The following RPGRIP1L variants were observed in gnomAD, a reference collection of about 807,000 sequenced individuals.
RPGRIP1L encodes the protein protein fantom.
A neutral mutation model predicts 160.4 loss-of-function variants in RPGRIP1L; 131 were observed. The observed-to-expected ratio is 0.82, with a 90% CI of 0.71 to 0.94. The LOEUF (loss-of-function observed/expected upper bound fraction) is 0.94. RPGRIP1L is among the 40% of genes least tolerant of loss of function. The pLI, the probability that RPGRIP1L is intolerant of heterozygous loss-of-function variation, is 0.00. For synonymous variants in RPGRIP1L, 510 were observed against 515.8 expected, an observed-to-expected ratio of 0.99 and a Z score of 0.15; for missense variants, 1,522 against 1,535.8, an observed-to-expected ratio of 0.99 and a Z score of 0.15.
chr16:53,621,041 T>C (rs1964676580), intron 23 of RPGRIP1L, among the ~76,000 whole-genome samples: 1 of 152,308 alleles, frequency 6.6e-6, no homozygotes, highest in East Asian at 1.9e-4. Context: ...AAAAGTGCTA[T>C]ACATACTTAT....
chr16:53,648,616 G>A (rs1049284678), intron 16 of RPGRIP1L, among the ~76,000 whole-genome samples: 10 of 84,402 alleles, frequency 1.2e-4, no homozygotes, highest in Admixed American at 4.9e-4. Flanking sequence ...ACGCGCGTGC[G>A]CGCGCGCGCG....
At chr16:53,693,750 C>G (rs968285092) in intron 3 of RPGRIP1L, 1 of 152,190 alleles carries the variant, frequency 6.6e-6, no homozygotes, top group African/African-American at 2.4e-5. Context: ...GGGCCACACA[C>G]TCTACCTGGC....
intron 26 of RPGRIP1L, among the ~76,000 whole-genome samples, chr16:53,604,838 C>T (rs1040475689): frequency 6.6e-6 from 1 of 152,124 alleles, no homozygotes; most frequent in African/African-American, 2.4e-5. Flanking sequence ...GAATAACATC[C>T]TGAAGGTTAA....
chr16:53,651,231 C>T (rs1168182565), intron 15 of RPGRIP1L, among the ~76,000 whole-genome samples: 1 of 152,208 alleles, frequency 6.6e-6, no homozygotes, highest in Non-Finnish European at 1.5e-5. Context: ...CCCTCATTAT[C>T]ACACATTCAA....
In RPGRIP1L at chr16:53,645,705, T is replaced by C. The variant is rs1966497416; in HGVS notation, c.2603A>G (p.Asp868Gly). 3 of 1,614,076 alleles carry C rather than the reference T, an allele frequency of 1.9e-6. No individual in the cohort carries two copies. Among genetic ancestry groups the C allele is most frequent in the Non-Finnish European group, 2.5e-6 (3 of 1,179,978 alleles). The change falls in exon 17 of 27, where the codon GAT becomes GGT. Residue 868 changes from aspartate (D) to glycine (G), a missense_variant. Physicochemically the swap from Asp to Gly is moderately conservative, Grantham distance 94. Transcript: ENST00000647211. ...GTAAATATTCTCCTGGGTATCACTA[T>C]CATCAAAAACATAAAAACTCAGAGA... ...SESLSFYVFD[D>G]SDTQENIYIG...
At chr16:53,639,112 A>G (rs992559571) in intron 19 of RPGRIP1L, among the ~76,000 whole-genome samples, 1 of 152,026 alleles carries the variant, frequency 6.6e-6, no homozygotes, top group Non-Finnish European at 1.5e-5. Flanking sequence ...TTCATCAAAT[A>G]TGAATTTATA....
chr16:53,651,048 C>T (rs996427116), intron 15 of RPGRIP1L, among the ~76,000 whole-genome samples: 23 of 152,306 alleles, frequency 1.5e-4, no homozygotes, highest in African/African-American at 5.1e-4. Context: ...TGTCCAGCCA[C>T]CAGCCTGACA....
chr16:53,653,322 C>T, intron 14 of RPGRIP1L: 1 of 1,135,340 alleles, frequency 8.8e-7, no homozygotes, highest in African/African-American at 1.7e-5. Context: ...CTCTGCTCCA[C>T]CCATTGTCTT....
rs1966492539 is a variant in RPGRIP1L, at chr16:53,645,661, G to A, written c.2647C>T (p.Pro883Ser). ...CTGTCATGTGCCAACGAAATCAGAG[G>A]CACATTGACTTTTCCTATGTAAATA... ...ENIYIGKVNV[P>S]LISLAHDRCI... Residue 883 changes from proline (P) to serine (S), a missense_variant, in exon 17 of 27, where the codon CCT becomes TCT. Pro to Ser is a moderately conservative substitution (Grantham distance 74). Transcript: ENST00000647211. 2 of 1,613,836 alleles carry A rather than the reference G, an allele frequency of 1.2e-6. No individual in the cohort carries two copies. The highest frequency in any genetic ancestry group is 1.7e-5 in the Admixed American group (1 of 60,008).
At chr16:53,662,605 A>G (rs1410303372) in intron 10 of RPGRIP1L, among the ~76,000 whole-genome samples, 2 of 152,096 alleles carry the variant, frequency 1.3e-5, no homozygotes, top group African/African-American at 2.4e-5. Flanking sequence ...CTAAATATTA[A>G]AAGATTTTCT....
chr16:53,668,572 G>A (rs1968469513), intron 9 of RPGRIP1L, among the ~76,000 whole-genome samples: 1 of 151,948 alleles, frequency 6.6e-6, no homozygotes, highest in African/African-American at 2.4e-5. Flanking sequence ...CTGAAGAGGT[G>A]GTGAAATCTA....
chr16:53,656,136 C>T (rs942412719), intron 14 of RPGRIP1L, among the ~76,000 whole-genome samples: 2 of 152,082 alleles, frequency 1.3e-5, no homozygotes, highest in Admixed American at 1.3e-4. Flanking sequence ...ATTTAAAAAG[C>T]AGTAGGGAAT....
intron 6 of RPGRIP1L, among the ~76,000 whole-genome samples, chr16:53,678,716 A>C (rs1558903): frequency 0.051 from 7,797 of 152,288 alleles, 396 homozygotes; most frequent in East Asian, 0.3. Flanking sequence ...GGAAGTAGTT[A>C]GGTCAAATAT....
At chr16:53,647,933 G>A (rs183005858) in intron 16 of RPGRIP1L, among the ~76,000 whole-genome samples, 54 of 151,806 alleles carry the variant, frequency 3.6e-4, no homozygotes, top group Admixed American at 3.2e-3. Flanking sequence ...GTGAAACCCC[G>A]TCTCTACTAA....
In RPGRIP1L at chr16:53,652,897, G is replaced by A; in HGVS notation, c.1790C>T (p.Thr597Ile). Residue 597 changes from threonine (T) to isoleucine (I), a missense_variant, in exon 15 of 27, where the codon ACC becomes ATC. By Grantham distance (89) the Thr-to-Ile change is moderately conservative. Transcript: ENST00000647211. ...ATTTTCGCCTCGTTCTAAGTGGATG[G>A]TTTCATCAAATTCATCAACAGAGTC... ...PDDSVDEFDE[T>I]IHLERGENLF... The A allele has an allele frequency of 5.0e-6, 8 of 1,612,788 alleles. No individual in the cohort carries two copies. Among genetic ancestry groups the A allele is most frequent in the Non-Finnish European group, 5.9e-6 (7 of 1,179,566 alleles).
chr16:53,688,030 C>T (rs920442110), intron 4 of RPGRIP1L, 65 bp from the exon 5 acceptor site: 2 of 961,764 alleles, frequency 2.1e-6, no homozygotes, highest in Non-Finnish European at 3.4e-6. Context: ...CTTTGATTTG[C>T]TATAATAAGG....
chr16:53,696,326 G>A (rs1208487885), intron 2 of RPGRIP1L, 31 bp from the exon 3 acceptor site: 4 of 1,610,740 alleles, frequency 2.5e-6, no homozygotes, highest in Non-Finnish European at 3.4e-6. Context: ...TTAATTGTGA[G>A]GTTACTTAAA....
At chr16:53,646,960 GA>G (rs1966593569) in intron 16 of RPGRIP1L, among the ~76,000 whole-genome samples, 1 of 152,170 alleles carries the variant, frequency 6.6e-6, no homozygotes, top group South Asian at 2.1e-4. Flanking sequence ...CTCAGCAATA[GA>G]AGGCTGAGAG....
In RPGRIP1L at chr16:53,664,946, A is replaced by T. The variant is rs1271430052; in HGVS notation, c.1167T>A (p.Ile389=). The part of the protein sequence containing the change: ...KLKEQQLKVQ[I]AQLETALKSD... ...ACTTCAAGGCAGTCTCGAGCTGAGC[A>T]ATCTGCACTTTCAGCTGTTGCTCCT... The change falls in exon 10 of 27, where the codon ATT becomes ATA. Residue 389 remains isoleucine, a synonymous_variant. Transcript: ENST00000647211. The T allele has an allele frequency of 4.3e-6, 7 of 1,613,568 alleles. No individual in the cohort carries two copies. Among genetic ancestry groups the T allele is most frequent in the Non-Finnish European group, 5.9e-6 (7 of 1,179,926 alleles).
Sources: allele counts gnomAD v4.1 joint callset (sites outside exome capture counted in the v4.1 genomes callset), GRCh38; gene constraint gnomAD v4.1.1; transcripts MANE v1.5; gene names NCBI Gene and HGNC (gene_info 2026-07-23, HGNC 2026-07-21).